GLYR1: variants seen among roughly 807,000 people sequenced by gnomAD.
GLYR1 encodes cytokine-like nuclear factor N-PAC.
Under a neutral mutation model 72.7 loss-of-function variants are expected in GLYR1, and 21 were observed. The ratio of observed to expected loss-of-function variants is 0.29; its 90% CI spans 0.20 to 0.42. The LOEUF (loss-of-function observed/expected upper bound fraction) is 0.42. GLYR1 is among the 10% of genes least tolerant of loss of function. GLYR1 has a pLI of 1.00. For synonymous variants in GLYR1, 392 were observed against 270.2 expected, an observed-to-expected ratio of 1.45 and a Z score of -4.42; for missense variants, 594 against 712.1, an observed-to-expected ratio of 0.83 and a Z score of 1.89.
In GLYR1 at chr16:4,805,012, AAGAGC is replaced by A; in HGVS notation, c.*219_*223del. The stretch of plus-strand genomic sequence containing the variant: ...CGTCCGGGGGGCCAGTGCCCAGCTC[AAGAGC>A]TTTCCCACACGCCAATCCTGCTGAC... On this transcript the variant is annotated 3_prime_UTR_variant, in exon 16 of 16. Coordinates refer to ENST00000321919, the MANE Select transcript of GLYR1 (RefSeq NM_032569.4). The A allele has an allele frequency of 1.8e-6, 1 of 549,186 alleles. No homozygotes were observed. The allele number at this position is 549,186 out of a possible 1,614,324, so 34.0% of individuals were successfully genotyped here. A position where few individuals can be genotyped will look rare whatever the true frequency, so the allele number is the denominator to read the frequency against.
At chr16:4,808,614 T>C (rs1029816415) in intron 15 of GLYR1, among the ~76,000 whole-genome samples, 5 of 151,856 alleles carry the variant, frequency 3.3e-5, no homozygotes, top group South Asian at 2.1e-4. Context: ...TAAAATAAAA[T>C]AAAATAAAAT....
At chr16:4,807,598 G>C (rs916898078) in intron 15 of GLYR1, among the ~76,000 whole-genome samples, 1 of 152,124 alleles carries the variant, frequency 6.6e-6, no homozygotes, top group Non-Finnish European at 1.5e-5. Context: ...TAGAGTCTAA[G>C]CTCATACCAT....
rs1328873028 is a variant in GLYR1 at position 4,832,019 on chromosome 16, T to A, written c.497A>T (p.Gln166Leu). 24 of 1,614,158 alleles carry A rather than the reference T, an allele frequency of 1.5e-5. No homozygotes were observed. The highest frequency in any genetic ancestry group is 1.9e-5 in the Non-Finnish European group (23 of 1,179,994). The change falls in exon 5 of 16, where the codon CAA (glutamine) becomes CTA (leucine). Residue 166 changes from glutamine (Q) to leucine (L), a missense_variant. Transcript: ENST00000321919. ...SKSPLKRAQE[Q>L]SPRKRGRPPK... ...GGGCCGACCCCGCTTCCGGGGACTT[T>A]GCTCTTGGGCTCTTTTCAGAGGGGA...
intron 10 of GLYR1, among the ~76,000 whole-genome samples, chr16:4,816,345 G>A (rs1567684358): frequency 6.6e-6 from 1 of 151,940 alleles, no homozygotes; most frequent in South Asian, 2.1e-4. Context: ...GGAGTCTCAT[G>A]TTGTCCAGGC....
chr16:4,826,817 TG>T (rs367763324), intron 5 of GLYR1, among the ~76,000 whole-genome samples: 3 of 152,144 alleles, frequency 2.0e-5, no homozygotes, highest in Non-Finnish European at 2.9e-5. Context: ...CAATTGTGGC[TG>T]GGGCAGCACA....
In GLYR1 at chr16:4,845,121, A is replaced by G. The variant is rs2085902034; in HGVS notation, c.108T>C (p.Pro36=). The change falls in exon 3 of 16, where the codon CCT becomes CCC. Residue 36 remains proline (P), a synonymous_variant. Coordinates refer to ENST00000321919, the MANE Select transcript of GLYR1 (RefSeq NM_032569.4). ...TCACAAAGAAGCATTTCTTTCCGCG[A>G]GGTTTCTTCAAGTCCTTTGGTGGAT... ...IVNPPKDLKK[P]RGKKCFFVKF... 2 of 1,613,942 alleles carry G rather than the reference A, an allele frequency of 1.2e-6. No homozygotes were observed. Among genetic ancestry groups the G allele is most frequent in the Non-Finnish European group, 1.7e-6 (2 of 1,179,950 alleles).
At chr16:4,820,278 C>T (rs1490949881) in intron 9 of GLYR1, among the ~76,000 whole-genome samples, 1 of 152,206 alleles carries the variant, frequency 6.6e-6, no homozygotes, top group Non-Finnish European at 1.5e-5. Context: ...CATGAGCCAC[C>T]ATGCCCAGGT....
At chr16:4,826,021 A>C (rs1297362212) in intron 5 of GLYR1, among the ~76,000 whole-genome samples, 2 of 152,112 alleles carry the variant, frequency 1.3e-5, no homozygotes, top group East Asian at 3.9e-4. Context: ...GCTTAAGGTC[A>C]CCGAGTCAGT....
intron 5 of GLYR1, among the ~76,000 whole-genome samples, chr16:4,828,148 C>T (rs953552302): frequency 3.3e-5 from 5 of 151,666 alleles, no homozygotes; most frequent in Non-Finnish European, 7.4e-5. Context: ...CGGCTCACTT[C>T]AAGCTCCGCC....
chr16:4,827,604 C>A (rs1411082745), intron 5 of GLYR1, among the ~76,000 whole-genome samples: 7 of 149,474 alleles, frequency 4.7e-5, no homozygotes, highest in African/African-American at 1.7e-4. Context: ...AACAAACAAA[C>A]AAACAAAAAA....
chr16:4,819,367 G>C (rs1487667027), intron 9 of GLYR1, among the ~76,000 whole-genome samples: 1 of 151,976 alleles, frequency 6.6e-6, no homozygotes, highest in Non-Finnish European at 1.5e-5. Flanking sequence ...GAGTGCAGGG[G>C]GGTGATCATA....
chr16:4,839,120 G>C (rs988055242), intron 3 of GLYR1: 1 of 152,600 alleles, frequency 6.6e-6, no homozygotes, highest in African/African-American at 2.4e-5. Flanking sequence ...CTAAGAGAAA[G>C]AGAAAAGGAG....
At position 4,836,079 on chromosome 16, in the gene GLYR1, A is replaced by G. The variant is rs185277324; in HGVS notation, c.156-3167T>C. On this transcript the variant is annotated intron_variant, in intron 3 of 15. Transcript: ENST00000321919. The stretch of plus-strand genomic sequence containing the variant: ...CACCCAAAGTGCTGGGATTACAGGT[A>G]TGAGCCACTGCAACTGGCCTACCTC... Among the ~76,000 whole-genome samples, 4 of 152,282 alleles carry G rather than the reference A, an allele frequency of 2.6e-5. No individual in the cohort carries two copies. In the East Asian group the frequency reaches 7.7e-4, roughly 29 times the overall value.
At chr16:4,810,509 C>CA (rs1354126114) in intron 15 of GLYR1, among the ~76,000 whole-genome samples, 7 of 144,164 alleles carry the variant, frequency 4.9e-5, no homozygotes, top group African/African-American at 7.7e-5. Context: ...GACTCTGTCT[C>CA]AAAAAAAAGA....
At chr16:4,839,043 C>T (rs556136462) in intron 3 of GLYR1, among the ~76,000 whole-genome samples, 7 of 152,262 alleles carry the variant, frequency 4.6e-5, no homozygotes, top group African/African-American at 1.7e-4. Flanking sequence ...CATGCTACTA[C>T]GCATGAACCC....
chr16:4,811,181 C>T lies in GLYR1; in HGVS notation c.1576G>A (p.Ala526Thr). 6.2e-7 allele frequency: 1 copy of T among 1,613,756 alleles called. No individual in the cohort carries two copies. The highest frequency in any genetic ancestry group is 1.3e-5 in the African/African-American group (1 of 74,998). The change falls in exon 15 of 16, where the codon GCA becomes ACA. Residue 526 changes from alanine (A) to threonine (T), a missense_variant. Physicochemically the swap from Ala to Thr is moderately conservative, Grantham distance 58. Transcript: ENST00000321919. Reference protein sequence around the residue: ...AVNHPTPMAAAANEVYKRAKA... With the variant: ...AVNHPTPMAATANEVYKRAKA... ...CACATCTACCCTACCTCATTTGCTG[C>T]AGCTGCCATGGGAGTCGGATGGTTG...
At chr16:4,810,359 G>T (rs1239390186) in intron 15 of GLYR1, among the ~76,000 whole-genome samples, 1 of 151,378 alleles carries the variant, frequency 6.6e-6, no homozygotes, top group Non-Finnish European at 1.5e-5. Context: ...TAGCAGGGCG[G>T]GTTGGGGCAC....
Position 4,812,209 on chromosome 16 carries a change from C to T in GLYR1, c.1159G>A (p.Val387Ile), listed in dbSNP as rs778551436. 11 of 1,613,908 alleles carry T rather than the reference C, an allele frequency of 6.8e-6. No individual in the cohort carries two copies. The highest frequency in any genetic ancestry group is 4.0e-5 in the African/African-American group (3 of 74,934). ...SRGGRFLEAPVSGNQQLSNDG... is the reference protein window; with the variant it reads ...SRGGRFLEAPISGNQQLSNDG... ...TTAGACAGCTGCTGATTCCCTGAGA[C>T]GGGGGCTTCCAGAAAGCGCCCCCCC... Residue 387 changes from valine to isoleucine, a missense_variant, in exon 13 of 16, where the codon GTC (valine) becomes ATC (isoleucine). Transcript: ENST00000321919.
rs1042974852 is a variant in GLYR1 at position 4,818,364 on chromosome 16, G to A, written c.807-667C>T. On this transcript the variant is annotated intron_variant, in intron 9 of 15. Coordinates refer to ENST00000321919, the MANE Select transcript of GLYR1 (RefSeq NM_032569.4). ...GGCTGCAGTGTAGTGGTGCAATCAT[G>A]GCTCACTGCAGCCTCGACCTCCTGG... is the stretch of plus-strand genomic sequence containing the variant. Among the ~76,000 whole-genome samples, 5 of 152,178 alleles carry A rather than the reference G, an allele frequency of 3.3e-5. No individual in the cohort carries two copies. In the South Asian group the frequency reaches 1.0e-3, roughly 32 times the overall value.
Sources: gnomAD v4.1 joint callset for allele counts (sites outside exome capture counted in the v4.1 genomes callset) on GRCh38, gnomAD v4.1.1 for gene constraint, MANE v1.5 for transcripts, NCBI Gene and HGNC (gene_info 2026-07-23, HGNC 2026-07-21) for gene names.